HLA-DPA1: variants seen among roughly 807,000 people sequenced by gnomAD.
HLA-DPA1 encodes major histocompatibility complex, class II, DP alpha 1.
Under a neutral mutation model 21.5 loss-of-function variants are expected in HLA-DPA1, and 20 were observed. The ratio of observed to expected loss-of-function variants is 0.93; its 90% CI spans 0.66 to 1.35. The LOEUF (loss-of-function observed/expected upper bound fraction) is 1.35, where lower values mean the gene tolerates loss of function less well. HLA-DPA1 is among the 40% of genes most tolerant of loss of function. HLA-DPA1 has a pLI of 0.00. For synonymous variants in HLA-DPA1, 123 were observed against 129.6 expected, an observed-to-expected ratio of 0.95 and a Z score of 0.35; for missense variants, 279 against 323.0, an observed-to-expected ratio of 0.86 and a Z score of 1.05.
chr6:33,070,027 A>G, intron 2 of HLA-DPA1, 141 bp from the exon 2 acceptor site: 2 of 688,286 alleles, frequency 2.9e-6, no homozygotes, highest in Non-Finnish European at 4.9e-6. Context: ...GGGGAAGAAG[A>G]AGGAGCAACA....
chr6:33,073,605 G>A (rs111493874), exon 2 of HLA-DPA1: 41 of 1,509,774 alleles, frequency 2.7e-5, no homozygotes, highest in African/African-American at 2.6e-4. Context: ...TGTGAGCACA[G>A]GAACAGTGAT....
chr6:33,080,645 C>T lies in HLA-DPA1; in HGVS notation c.-100+35G>A. ...AGAGGATTAGATGAGAGTGGCGCCT[C>T]CGCTCATGTCCGCCCCCTCCCCGCA... is the stretch of plus-strand genomic sequence containing the variant. On this transcript the variant is annotated intron_variant, in intron 1 of 5. Transcript: ENST00000419277. This position sits in a 1 kb window ranked among gnomAD's most constrained non-coding sequence, Gnocchi z 4.3. 1 of 1,612,082 alleles carries T rather than the reference C, an allele frequency of 6.2e-7. No individual in the cohort carries two copies. The highest frequency in any genetic ancestry group is 8.5e-7 in the Non-Finnish European group (1 of 1,179,178).
exon 6 of HLA-DPA1, chr6:33,064,606 TTTATCA>T (rs1761862363): frequency 7.2e-6 from 1 of 138,950 alleles, no homozygotes; most frequent in Non-Finnish European, 1.5e-5. Flanking sequence ...TGGCTCTTAG[TTTATCA>T]TGTAGAAAAA....
chr6:33,074,486 C>T (rs1389392315), intron 1 of HLA-DPA1, among the ~76,000 whole-genome samples: 1 of 152,038 alleles, frequency 6.6e-6, no homozygotes, highest in African/African-American at 2.4e-5. Context: ...TTAAGAAATA[C>T]TTTTCTAGTC....
intron 2 of HLA-DPA1, among the ~76,000 whole-genome samples, chr6:33,072,534 T>C (rs1762328817): frequency 6.6e-6 from 1 of 152,160 alleles, no homozygotes; most frequent in Non-Finnish European, 1.5e-5. Context: ...ACATTAGAAA[T>C]AACTCAGGTG....
At chr6:33,073,477 T>C (rs1762385998) in exon 2 of HLA-DPA1, 3 of 1,610,330 alleles carry the variant, frequency 1.9e-6, no homozygotes, top group Non-Finnish European at 2.5e-6. Flanking sequence ...TCACCCTTGA[T>C]GGCCCCAGCT....
At chr6:33,075,875 A>G (rs1446339421) in intron 1 of HLA-DPA1, 4 of 601,398 alleles carry the variant, frequency 6.7e-6, no homozygotes, top group Non-Finnish European at 1.2e-5. Context: ...AATGACTCAT[A>G]CAAAGCTCAG....
chr6:33,069,873 T>C (rs1242072745), exon 3 of HLA-DPA1: 1 of 1,609,570 alleles, frequency 6.2e-7, no homozygotes, highest in Non-Finnish European at 8.5e-7. Context: ...CGGCATAAGT[T>C]GACACATGGT....
chr6:33,080,467 TCTCTCTCTG>T lies in HLA-DPA1; in HGVS notation c.-100+204_-100+212del. 2.6e-6 allele frequency: 2 copies of T among 757,260 alleles called. No homozygotes were observed. Among genetic ancestry groups the T allele is most frequent in the Non-Finnish European group, 4.7e-6 (2 of 425,418 alleles). The allele number at this position is 757,260 out of a possible 1,614,324, so 46.9% of individuals were successfully genotyped here. A position where few individuals can be genotyped will look rare whatever the true frequency, so the allele number is the denominator to read the frequency against. On this transcript the variant is annotated intron_variant, in intron 1 of 5. Transcript: ENST00000419277. This position sits in a 1 kb window ranked among gnomAD's most constrained non-coding sequence, Gnocchi z 4.3. ...CCTGAGCTCATTCTTTTCAGTAAAT[TCTCTCTCTG>T]CGTGGTGAGAAAACAGGCCTGGAGA...
chr6:33,069,841 GGTCTATGC>G lies in HLA-DPA1; in HGVS notation c.138_145del (p.His47AsnfsTer7). 7 of 1,609,884 alleles carry G rather than the reference GGTCTATGC, an allele frequency of 4.3e-6. No individual in the cohort carries two copies. Among genetic ancestry groups the G allele is most frequent in the Non-Finnish European group, 5.9e-6 (7 of 1,178,130 alleles). The stretch of plus-strand genomic sequence containing the variant: ...AAATTCAAACATAAACTCCCCTGTT[GGTCTATGC>G]GTCTGTACAAACGCGGCATAAGTTG... On this transcript the variant is annotated frameshift_variant, in exon 3 of 6. Coordinates refer to ENST00000419277, the Ensembl canonical transcript of HLA-DPA1. LOFTEE classifies it high-confidence loss of function.
chr6:33,064,628 C>T (rs1160587665), exon 6 of HLA-DPA1: 2 of 152,096 alleles, frequency 1.3e-5, no homozygotes, highest in Non-Finnish European at 2.9e-5. Flanking sequence ...AAAAATCCTC[C>T]ATGAAATATT....
chr6:33,068,377 TGTAA>T, intron 5 of HLA-DPA1: 2 of 384,888 alleles, frequency 5.2e-6, no homozygotes, highest in South Asian at 6.7e-5. Context: ...TGTAAAAAGA[TGTAA>T]GTATCTCTCA....
chr6:33,074,286 A>T (rs1284910906), intron 1 of HLA-DPA1, among the ~76,000 whole-genome samples: 1 of 152,188 alleles, frequency 6.6e-6, no homozygotes, highest in African/African-American at 2.4e-5. Context: ...GTATTTAAAC[A>T]GTGTAATAAC....
intron 2 of HLA-DPA1, 151 bp from the exon 2 acceptor site, chr6:33,070,037 A>T (rs1471477232): frequency 3.8e-5 from 25 of 663,940 alleles, no homozygotes; most frequent in Non-Finnish European, 5.3e-5. Context: ...AAGGAGCAAC[A>T]CCATAAAGGA....
At position 33,080,361 on chromosome 6, in the gene HLA-DPA1, C is replaced by T. The variant is rs911470469; in HGVS notation, c.-100+319G>A. On this transcript the variant is annotated intron_variant, in intron 1 of 5. Coordinates refer to ENST00000419277, the Ensembl canonical transcript of HLA-DPA1. The surrounding 1 kb of genome is among the most constrained non-coding windows in gnomAD (Gnocchi z 4.3). ...TTTCTCCCAGTGACCCCACGTGAAA[C>T]GTCTCCGCCTCCTCCAGCCACCAGC... 5.3e-6 allele frequency: 3 copies of T among 571,096 alleles called. No individual in the cohort carries two copies. Among genetic ancestry groups the T allele is most frequent in the African/African-American group, 1.9e-5 (1 of 53,202 alleles). The allele number at this position is 571,096 out of a possible 1,614,324, so 35.4% of individuals were successfully genotyped here. A position where few individuals can be genotyped will look rare whatever the true frequency, so the allele number is the denominator to read the frequency against.
intron 2 of HLA-DPA1, among the ~76,000 whole-genome samples, chr6:33,070,554 C>T: frequency 6.6e-6 from 1 of 152,078 alleles, no homozygotes; most frequent in Middle Eastern, 3.2e-3. Context: ...GGGCTCTTGA[C>T]AGTTTTAAAG....
intron 1 of HLA-DPA1, chr6:33,079,744 T>G: frequency 2.0e-6 from 1 of 503,204 alleles, no homozygotes; most frequent in South Asian, 1.4e-5. Flanking sequence ...CTTACTGTGC[T>G]GAGATCGCTC....
At position 33,077,174 on chromosome 6, in the gene HLA-DPA1, G is replaced by T. The variant is rs1486916070; in HGVS notation, c.-99-3505C>A. Among the ~76,000 whole-genome samples the T allele has an allele frequency of 2.0e-5, 3 of 149,836 alleles. No homozygotes were observed. In the East Asian group the frequency reaches 5.9e-4, roughly 29 times the overall value. ...TATGAGTGAGAACATGTGGTCTTTGGTTTTTTGTCCTTGCAATAGTTTGCT... is the reference window on the plus strand; with the variant it reads ...TATGAGTGAGAACATGTGGTCTTTGTTTTTTTGTCCTTGCAATAGTTTGCT... On this transcript the variant is annotated intron_variant, in intron 1 of 5. Coordinates refer to ENST00000419277, the Ensembl canonical transcript of HLA-DPA1.
intron 1 of HLA-DPA1, chr6:33,079,521 A>G (rs1485277854): frequency 5.4e-6 from 2 of 370,452 alleles, no homozygotes; most frequent in Non-Finnish European, 1.0e-5. Flanking sequence ...ATGAGGCACC[A>G]ATCAGACTGA....
Sources: gnomAD v4.1 joint callset for allele counts (sites outside exome capture counted in the v4.1 genomes callset) on GRCh38, gnomAD v4.1.1 for gene constraint, Gnocchi (gnomAD v3.1) non-coding constraint, MANE v1.5 for transcripts, NCBI Gene and HGNC (gene_info 2026-07-23, HGNC 2026-07-21) for gene names.